The following TXNRD2 variants were observed in gnomAD, a reference collection of about 807,000 sequenced individuals.
TXNRD2 encodes thioredoxin reductase 2.
Under a neutral mutation model 70.8 loss-of-function variants are expected in TXNRD2, and 67 were observed. The observed-to-expected ratio is 0.95, with a 90% confidence interval of 0.78 to 1.16. The LOEUF (loss-of-function observed/expected upper bound fraction) is 1.16. Ranked by LOEUF, TXNRD2 falls within the 50% of genes most tolerant of loss-of-function variation. The probability of loss-of-function intolerance (pLI) is 0.00; values close to 1 mark genes in which losing one functional copy is unlikely to be tolerated. For synonymous variants in TXNRD2, 301 were observed against 295.8 expected (o/e 1.02, Z -0.18); for missense variants, 644 against 719.9 (o/e 0.89, Z 1.21).
intron 7 of TXNRD2, among the ~76,000 whole-genome samples, chr22:19,912,217 G>A (rs1035538092): frequency 6.6e-6 from 1 of 152,156 alleles, no homozygotes; most frequent in South Asian, 2.1e-4. Flanking sequence ...TGGAGGAAGC[G>A]GATCTCAAAC....
intron 8 of TXNRD2, among the ~76,000 whole-genome samples, chr22:19,909,489 G>GACACACCACTCACACACAC (rs1325108106): frequency 4.7e-5 from 7 of 149,678 alleles, no homozygotes; most frequent in Non-Finnish European, 8.9e-5. Flanking sequence ...CAGAGCATGT[G>GACACACCACTCACACACAC]ACACACCACT....
Position 19,895,510 on chromosome 22 carries a change from C to G in TXNRD2, c.846G>C (p.Ser282=). 6.2e-7 allele frequency: 1 copy of G among 1,613,862 alleles called. No individual in the cohort carries two copies. The highest frequency in any genetic ancestry group is 8.5e-7 in the Non-Finnish European group (1 of 1,180,028). The change falls in exon 11 of 18, where the codon TCG becomes TCC. Residue 282 remains serine (S), a synonymous_variant. Transcript: ENST00000400521. The part of the protein sequence containing the change: ...GTRFLRGCAP[S]RVRRLPDGQL... ...GGCCATCAGGGAGCCTCCTGACCCG[C>G]GAGGGGGCACAGCCCCTCAGGAACC...
intron 8 of TXNRD2, among the ~76,000 whole-genome samples, chr22:19,904,227 CAGG>C (rs1044327555): frequency 6.6e-6 from 1 of 151,656 alleles, no homozygotes; most frequent in Non-Finnish European, 1.5e-5. Flanking sequence ...ACTGCTTTTT[CAGG>C]AGTTTTCTGA....
intron 5 of TXNRD2, among the ~76,000 whole-genome samples, chr22:19,917,836 T>C (rs745904897): frequency 2.0e-5 from 3 of 152,208 alleles, no homozygotes; most frequent in Non-Finnish European, 2.9e-5. Context: ...CCACGCTCTC[T>C]GGCCTGAGGC....
At chr22:19,926,239 C>A (rs988581975) in intron 2 of TXNRD2, among the ~76,000 whole-genome samples, 1 of 144,608 alleles carries the variant, frequency 6.9e-6, no homozygotes, top group South Asian at 2.1e-4. Context: ...CCTGTAATAC[C>A]GGCACTCTGG....
At chr22:19,887,090 G>A (rs776492355) in intron 11 of TXNRD2, among the ~76,000 whole-genome samples, 25 of 152,304 alleles carry the variant, frequency 1.6e-4, no homozygotes, top group South Asian at 6.2e-4. Flanking sequence ...TTTTGGCCAC[G>A]TGTTTATGAA....
chr22:19,881,026 C>T, intron 12 of TXNRD2: 1 of 527,260 alleles, frequency 1.9e-6, no homozygotes. Flanking sequence ...CCCTTCTGCA[C>T]ATTGCTGACC....
rs1940582400 is a variant in TXNRD2, at chr22:19,915,239, C to G, written c.566G>C (p.Gly189Ala). 6 of 1,613,774 alleles carry G rather than the reference C, an allele frequency of 3.7e-6. No homozygotes were observed. The highest frequency in any genetic ancestry group is 5.1e-6 in the Non-Finnish European group (6 of 1,179,950). The change falls in exon 7 of 18, where the codon GGA (glycine) becomes GCA (alanine). Residue 189 changes from glycine (G) to alanine (A), a missense_variant. Transcript: ENST00000400521. ...LSADHIIIATGGRPRYPTHIE... is the reference protein window; with the variant it reads ...LSADHIIIATAGRPRYPTHIE... ...GTGCGTGGGGTATCTCGGCCGCCCT[C>G]CAGTAGCAATGATGATGTGATCGGC...
In TXNRD2 at chr22:19,898,062, T is replaced by G. The variant is rs966662412; in HGVS notation, c.751A>C (p.Ile251Leu). The G allele has an allele frequency of 7.0e-6, 11 of 1,561,366 alleles. No individual in the cohort carries two copies. Among genetic ancestry groups the G allele is most frequent in the Non-Finnish European group, 9.5e-6 (11 of 1,153,254 alleles). The change falls in exon 10 of 18, where the codon ATC (isoleucine) becomes CTC (leucine). Residue 251 changes from isoleucine to leucine, a missense_variant. Around this residue, in one of 3 missense-constraint regions of TXNRD2, gnomAD observed 566 missense variants for 645.0 expected, o/e 0.88. Transcript: ENST00000400521. ...GLDTTIMMRS[I>L]PLRGFDQQMS... ...ACCTGGTCGAAGCCGCGGAGGGGGA[T>G]GCTGCGCATCATGATGGTGGTGTCC...
intron 5 of TXNRD2, among the ~76,000 whole-genome samples, chr22:19,917,441 C>G (rs1940687225): frequency 6.6e-6 from 1 of 152,198 alleles, no homozygotes; most frequent in African/African-American, 2.4e-5. Context: ...CTGCTGCCTG[C>G]TGTGAAGCCC....
chr22:19,899,208 C>T (rs1490961769), intron 8 of TXNRD2, 140 bp from the exon 9 acceptor site: 1 of 1,097,708 alleles, frequency 9.1e-7, no homozygotes, highest in East Asian at 2.5e-5. Flanking sequence ...ACAGCTTGCC[C>T]CAGGGGACAA....
In TXNRD2 at chr22:19,911,370, G is replaced by T. The variant is rs1221682401; in HGVS notation, c.662+7C>A. On this transcript the variant is annotated splice_region_variant and intron_variant, in intron 8 of 17. Coordinates refer to ENST00000400521, the MANE Select transcript of TXNRD2 (RefSeq NM_006440.5). ...AGAGGACCCCACCAAGCACGCGCAG[G>T]CCTTACGTTTTTCCAGGGGATTCCT... The T allele has an allele frequency of 1.2e-6, 2 of 1,611,928 alleles. No homozygotes were observed. Among genetic ancestry groups the T allele is most frequent in the South Asian group, 1.1e-5 (1 of 91,038 alleles).
At chr22:19,876,932 G>C in intron 17 of TXNRD2, 108 bp downstream of exon 17, 1 of 711,112 alleles carries the variant, frequency 1.4e-6, no homozygotes. Context: ...ATTCTGGGTG[G>C]CGTGGCAGGT....
chr22:19,901,802 T>C (rs1054242789), intron 8 of TXNRD2, among the ~76,000 whole-genome samples: 2 of 152,076 alleles, frequency 1.3e-5, no homozygotes, highest in Non-Finnish European at 2.9e-5. Flanking sequence ...ACTCAAGCCA[T>C]GACTGGCCAC....
At chr22:19,890,983 C>T (rs868358099) in intron 11 of TXNRD2, among the ~76,000 whole-genome samples, 2 of 152,184 alleles carry the variant, frequency 1.3e-5, no homozygotes, top group African/African-American at 4.8e-5. Flanking sequence ...TCCAGGCACA[C>T]GTGCCACGTG....
Position 19,908,514 on chromosome 22 carries a change from G to T in TXNRD2, c.662+2863C>A, listed in dbSNP as rs138846678. 4.2e-3 allele frequency among the ~76,000 whole-genome samples: 641 copies of T among 152,262 alleles called. 3 individuals carry two copies. The highest frequency in any genetic ancestry group is 0.014 in the African/African-American group (599 of 41,548). On this transcript the variant is annotated intron_variant, in intron 8 of 17. Transcript: ENST00000400521. ...GAAAACAACATGCACTGGCGAGGAT[G>T]TGGGGAGCCCAGAGTCCTCCTGAAC...
chr22:19,882,918 G>A (rs1938847273), intron 12 of TXNRD2, among the ~76,000 whole-genome samples: 1 of 152,268 alleles, frequency 6.6e-6, no homozygotes. Flanking sequence ...GCGGGGCCAG[G>A]TGGGCCCGAA....
chr22:19,932,419 G>C, intron 1 of TXNRD2: 4 of 1,612,554 alleles, frequency 2.5e-6, no homozygotes, highest in Non-Finnish European at 3.4e-6. Context: ...GCCTGCAAAA[G>C]GTGTCATCGT....
chr22:19,902,183 T>C (rs1010632031), intron 8 of TXNRD2, among the ~76,000 whole-genome samples: 3 of 152,188 alleles, frequency 2.0e-5, no homozygotes, highest in Non-Finnish European at 4.4e-5. Flanking sequence ...ACCCTGTCTC[T>C]AAAACAAACA....
Sources: allele counts gnomAD v4.1 joint callset (sites outside exome capture counted in the v4.1 genomes callset), GRCh38; gene constraint gnomAD v4.1.1; regional missense constraint gnomAD v4.1.1; transcripts MANE v1.5; gene names NCBI Gene and HGNC (gene_info 2026-07-23, HGNC 2026-07-21).